Variants in CEACAM21 observed in about 807,000 individuals in gnomAD.
CEACAM21 encodes the protein CEA cell adhesion molecule 21, also known as cell adhesion molecule CEACAM21.
CEACAM21 carries 38 observed loss-of-function variants against 33.2 expected under a neutral mutation model. The observed-to-expected ratio is 1.14, with a 90% CI of 0.88 to 1.50. The LOEUF is 1.50. CEACAM21 is among the 40% of genes most tolerant of loss of function. The probability of loss-of-function intolerance (pLI) is 0.00; values close to 1 mark genes in which losing one functional copy is unlikely to be tolerated. For synonymous variants in CEACAM21, 156 were observed against 143.0 expected (o/e 1.09, Z -0.65); for missense variants, 385 against 364.6 (o/e 1.06, Z -0.46).
At chr19:41,570,138 C>T (rs782668309) in intron 2 of CEACAM21, among the ~76,000 whole-genome samples, 13 of 152,112 alleles carry the variant, frequency 8.5e-5, no homozygotes, top group African/African-American at 1.7e-4. Flanking sequence ...GAGAGCTGGG[C>T]GTCCCACAGA....
At chr19:41,580,156 AATCTTAATTGAAGTACTG>A (rs1395249609) in intron 3 of CEACAM21, among the ~76,000 whole-genome samples, 99 of 152,312 alleles carry the variant, frequency 6.5e-4, no homozygotes, top group African/African-American at 2.2e-3. Flanking sequence ...GAAGTACTTC[AATCTTAATTGAAGTACTG>A]AAACTATAAG....
intron 4 of CEACAM21, among the ~76,000 whole-genome samples, chr19:41,585,106 C>T (rs1232659228): frequency 6.6e-6 from 1 of 152,166 alleles, no homozygotes; most frequent in African/African-American, 2.4e-5. Flanking sequence ...TGTGCCTGGC[C>T]CTGCTTTCCC....
chr19:41,564,356 T>TTATTTATTTATTTATG (rs1555787698), intron 1 of CEACAM21, among the ~76,000 whole-genome samples: 1 of 151,470 alleles, frequency 6.6e-6, no homozygotes, highest in Non-Finnish European at 1.5e-5. Flanking sequence ...ATTTATTTAT[T>TTATTTATTTATTTATG]TATTTATTTA....
chr19:41,561,100 A>T (rs1041502969), intron 1 of CEACAM21, among the ~76,000 whole-genome samples: 1 of 152,260 alleles, frequency 6.6e-6, no homozygotes, highest in Non-Finnish European at 1.5e-5. Context: ...ATTGTTGAAC[A>T]AGGTTATCAG....
chr19:41,564,356 T>TTATTTATG (rs1555787697), intron 1 of CEACAM21, among the ~76,000 whole-genome samples: 112 of 151,588 alleles, frequency 7.4e-4, no homozygotes, highest in Non-Finnish European at 1.0e-3. Flanking sequence ...ATTTATTTAT[T>TTATTTATG]TATTTATTTA....
upstream of CEACAM21, among the ~76,000 whole-genome samples, chr19:41,575,757 G>A (rs1555790773): frequency 1.3e-5 from 2 of 152,082 alleles, no homozygotes; most frequent in African/African-American, 4.8e-5. Context: ...TAGCGGGTGG[G>A]TCCTTCCCAG....
chr19:41,565,301 G>A (rs1165062049), intron 2 of CEACAM21, among the ~76,000 whole-genome samples: 1 of 152,192 alleles, frequency 6.6e-6, no homozygotes, highest in Non-Finnish European at 1.5e-5. Flanking sequence ...GGGAGCCTAA[G>A]GAGAGGAGTG....
At chr19:41,555,153 T>C (rs1318257281) in intron 1 of CEACAM21, 1 of 152,040 alleles carries the variant, frequency 6.6e-6, no homozygotes, top group Non-Finnish European at 1.5e-5. Context: ...TTCAGCTTGT[T>C]AAGTTCCAAG....
intron 1 of CEACAM21, among the ~76,000 whole-genome samples, chr19:41,562,272 A>C (rs1489266623): frequency 6.8e-5 from 10 of 147,992 alleles, no homozygotes; most frequent in African/African-American, 2.7e-4. Flanking sequence ...CAAAGAAAGA[A>C]AGAAAGAAAA....
chr19:41,553,434 A>G (rs1320110383), intron 1 of CEACAM21, among the ~76,000 whole-genome samples: 1 of 152,082 alleles, frequency 6.6e-6, no homozygotes, highest in African/African-American at 2.4e-5. Flanking sequence ...AAGACAAATT[A>G]CGACAGGACC....
intron 2 of CEACAM21, among the ~76,000 whole-genome samples, chr19:41,567,083 T>C (rs924754668): frequency 6.6e-6 from 1 of 152,230 alleles, no homozygotes; most frequent in South Asian, 2.1e-4. Flanking sequence ...ATGGTTTAGA[T>C]AGGAATGGTC....
chr19:41,579,166 C>A, intron 2 of CEACAM21, 187 bp from the exon 3 acceptor site: 3 of 909,412 alleles, frequency 3.3e-6, no homozygotes, highest in Non-Finnish European at 5.0e-6. Flanking sequence ...TCCTCCTGGT[C>A]CCTGGGGTCT....
chr19:41,558,646 C>G (rs1414481620), intron 1 of CEACAM21, among the ~76,000 whole-genome samples: 1 of 151,842 alleles, frequency 6.6e-6, no homozygotes, highest in African/African-American at 2.4e-5. Context: ...GGCTCTGACT[C>G]AAAAACAACA....
In CEACAM21 at chr19:41,566,171, T is replaced by G. The variant is rs571073354; in HGVS notation, c.-404+1115T>G. Among the ~76,000 whole-genome samples the G allele has an allele frequency of 3.9e-5, 6 of 152,338 alleles. No individual in the cohort carries two copies. The South Asian group carries it at 1.2e-3, about 32-fold the overall frequency. ...AAAGGCAAAAGACAAAGGTGGGTTA[T>G]TTGAGCGAGAAGTGGTTTGAGGATT... On this transcript the variant is annotated intron_variant, in intron 2 of 7. Coordinates refer to the CEACAM21 transcript ENST00000407170.
At chr19:41,551,422 T>G (rs933199791) in intron 1 of CEACAM21, 1 of 152,252 alleles carries the variant, frequency 6.6e-6, no homozygotes, top group Non-Finnish European at 1.5e-5. Flanking sequence ...CCTCCCAAAG[T>G]GCTGGGATTA....
chr19:41,579,690 G>C, intron 3 of CEACAM21, 62 bp downstream of exon 3: 1 of 1,183,574 alleles, frequency 8.4e-7, no homozygotes, highest in South Asian at 1.5e-5. Flanking sequence ...GGGAGGGGGG[G>C]TGTAAAATGA....
In CEACAM21 at chr19:41,552,288, G is replaced by C. The variant is rs1190860754; in HGVS notation, c.-779+2736G>C. 5 of 152,124 alleles carry C rather than the reference G, an allele frequency of 3.3e-5. No individual in the cohort carries two copies. The East Asian group carries it at 5.8e-4, about 18-fold the overall frequency. 9.4% of individuals were successfully genotyped at this position (152,124 alleles called of 1,614,324 possible). Reference sequence around the variant, plus strand: ...CTCCTGCTCAATCACAGAGGTTTGGGGGGGGTTCCTTTAGACCCCCAATGA... The same window carrying C: ...CTCCTGCTCAATCACAGAGGTTTGGCGGGGGTTCCTTTAGACCCCCAATGA... On this transcript the variant is annotated intron_variant, in intron 1 of 7. Coordinates refer to the CEACAM21 transcript ENST00000407170.
chr19:41,558,661 C>A (rs557028050), intron 1 of CEACAM21, among the ~76,000 whole-genome samples: 22 of 150,394 alleles, frequency 1.5e-4, no homozygotes, highest in Admixed American at 4.6e-4. Context: ...ACAACAACAA[C>A]AAAAAAAAAC....
intron 1 of CEACAM21, among the ~76,000 whole-genome samples, chr19:41,560,039 C>G (rs1600154272): frequency 6.6e-6 from 1 of 152,272 alleles, no homozygotes; most frequent in South Asian, 2.1e-4. Context: ...GTAGCCCTAT[C>G]AACCAATAAT....
Sources: allele counts gnomAD v4.1 joint callset (sites outside exome capture counted in the v4.1 genomes callset), GRCh38; gene constraint gnomAD v4.1.1; transcripts MANE v1.5; gene names NCBI Gene and HGNC (gene_info 2026-07-23, HGNC 2026-07-21).